Variants in DPP10 observed in about 807,000 individuals in gnomAD.
The protein encoded by DPP10 is inactive dipeptidyl peptidase 10.
In DPP10, 33 loss-of-function variants were observed where a neutral mutation model predicts 120.9. That is an observed-to-expected ratio of 0.27 (90% CI 0.21 to 0.37). The LOEUF (loss-of-function observed/expected upper bound fraction) is 0.37, where lower values mean the gene tolerates loss of function less well. DPP10 is among the 10% of genes least tolerant of loss of function. The probability of loss-of-function intolerance (pLI) is 1.00; values close to 1 mark genes in which losing one functional copy is unlikely to be tolerated. For synonymous variants in DPP10, 337 were observed against 326.1 expected, an observed-to-expected ratio of 1.03 and a Z score of -0.36; for missense variants, 816 against 942.8, an observed-to-expected ratio of 0.87 and a Z score of 1.76.
intron 1 of DPP10, among the ~76,000 whole-genome samples, chr2:114,970,523 A>C (rs771588464): frequency 1.1e-4 from 17 of 148,356 alleles, no homozygotes; most frequent in African/African-American, 4.2e-4. Context: ...TATGCAGGCC[A>C]GATAGTGGCT....
At chr2:115,517,465 G>C (rs1296629643) in intron 4 of DPP10, among the ~76,000 whole-genome samples, 1 of 152,066 alleles carries the variant, frequency 6.6e-6, no homozygotes, top group Non-Finnish European at 1.5e-5. Flanking sequence ...AGAGGCATCA[G>C]GTAGTCCATG....
intron 1 of DPP10, among the ~76,000 whole-genome samples, chr2:114,859,679 C>G (rs988847356): frequency 2.0e-4 from 31 of 152,322 alleles, no homozygotes; most frequent in African/African-American, 6.7e-4. Context: ...CACAGTGGCT[C>G]TCTTTGGATC....
intron 2 of DPP10, among the ~76,000 whole-genome samples, chr2:115,327,369 T>C (rs1485446791): frequency 6.6e-6 from 1 of 152,086 alleles, no homozygotes; most frequent in African/African-American, 2.4e-5. Context: ...AAAATCATGA[T>C]GAATTTCACT....
intron 1 of DPP10, among the ~76,000 whole-genome samples, chr2:115,195,708 G>T (rs180779575): frequency 2.0e-5 from 3 of 152,054 alleles, no homozygotes; most frequent in Admixed American, 1.3e-4. Flanking sequence ...AGGTTGTTCC[G>T]TGCCTTGACA....
At chr2:115,234,052 T>C in intron 1 of DPP10, 1 of 452,486 alleles carries the variant, frequency 2.2e-6, no homozygotes, top group Non-Finnish European at 4.3e-6. Flanking sequence ...AGGGACATTT[T>C]AATAAGCAAT....
intron 1 of DPP10, among the ~76,000 whole-genome samples, chr2:114,454,036 A>G (rs1402592321): frequency 6.6e-6 from 1 of 152,192 alleles, no homozygotes; most frequent in Non-Finnish European, 1.5e-5. Flanking sequence ...ACCATAGCGT[A>G]TGAAAAGTGT....
At chr2:115,196,851 G>A (rs1394421876) in intron 1 of DPP10, among the ~76,000 whole-genome samples, 1 of 152,062 alleles carries the variant, frequency 6.6e-6, no homozygotes, top group East Asian at 1.9e-4. Context: ...AGAAATGTTT[G>A]GAGGAAAAAA....
intron 21 of DPP10, among the ~76,000 whole-genome samples, chr2:115,834,003 G>A (rs1689193108): frequency 6.6e-6 from 1 of 152,078 alleles, no homozygotes; most frequent in Non-Finnish European, 1.5e-5. Context: ...TCCAGATTTT[G>A]CTGGCCTAAG....
intron 1 of DPP10, among the ~76,000 whole-genome samples, chr2:114,776,380 C>T (rs1681741091): frequency 6.6e-6 from 1 of 152,070 alleles, no homozygotes; most frequent in Non-Finnish European, 1.5e-5. Flanking sequence ...ACCTTTGCTG[C>T]TTATGTAGAA....
chr2:114,525,149 A>T (rs1483857670), intron 1 of DPP10, among the ~76,000 whole-genome samples: 1 of 152,186 alleles, frequency 6.6e-6, no homozygotes, highest in Non-Finnish European at 1.5e-5. Context: ...ATGTTCCTTT[A>T]TATTGTATTA....
At chr2:114,869,758 C>T (rs1355406203) in intron 1 of DPP10, among the ~76,000 whole-genome samples, 2 of 152,164 alleles carry the variant, frequency 1.3e-5, no homozygotes, top group Non-Finnish European at 2.9e-5. Flanking sequence ...AAGAACAGAG[C>T]AGGTCCAAGG....
chr2:115,710,777 C>T (rs966650419), intron 7 of DPP10, among the ~76,000 whole-genome samples: 7 of 152,112 alleles, frequency 4.6e-5, no homozygotes, highest in African/African-American at 1.7e-4. Flanking sequence ...GGTAGCTAAT[C>T]TAGTTTTAAT....
chr2:115,248,660 G>T (rs934779252), intron 1 of DPP10, among the ~76,000 whole-genome samples: 1 of 152,224 alleles, frequency 6.6e-6, no homozygotes, highest in East Asian at 1.9e-4. Flanking sequence ...GGGGTAAAGG[G>T]TAGCAAACTG....
At chr2:114,830,796 A>T (rs1288479681) in intron 1 of DPP10, among the ~76,000 whole-genome samples, 1 of 152,070 alleles carries the variant, frequency 6.6e-6, no homozygotes, top group South Asian at 2.1e-4. Flanking sequence ...ATAGTAACTT[A>T]CTCAACTTGT....
intron 3 of DPP10, among the ~76,000 whole-genome samples, chr2:115,434,220 G>A (rs2071269790): frequency 3.3e-5 from 5 of 151,982 alleles, no homozygotes; most frequent in Admixed American, 3.3e-4. Flanking sequence ...GATAATTTTA[G>A]TTTTAGATCA....
chr2:115,104,596 T>C (rs1408973719), intron 1 of DPP10, among the ~76,000 whole-genome samples: 3 of 152,222 alleles, frequency 2.0e-5, no homozygotes, highest in Non-Finnish European at 4.4e-5. Context: ...AGGTAGTCTG[T>C]GTTTTTTCCT....
At chr2:114,756,378 T>G (rs1679750016) in intron 1 of DPP10, among the ~76,000 whole-genome samples, 1 of 152,168 alleles carries the variant, frequency 6.6e-6, no homozygotes, top group Admixed American at 6.5e-5. Flanking sequence ...CAGGGAATCA[T>G]GGAGATGATC....
At chr2:115,501,187 A>C (rs755723308) in intron 4 of DPP10, among the ~76,000 whole-genome samples, 3 of 152,036 alleles carry the variant, frequency 2.0e-5, no homozygotes, top group Non-Finnish European at 2.9e-5. Flanking sequence ...GAATTATTCT[A>C]TTATGTGGCT....
intron 1 of DPP10, among the ~76,000 whole-genome samples, chr2:114,863,430 C>T (rs1390982326): frequency 1.3e-5 from 2 of 152,066 alleles, no homozygotes; most frequent in East Asian, 1.9e-4. Flanking sequence ...TATCAGACGT[C>T]GTGTTCTGAA....
Sources: allele counts gnomAD v4.1 joint callset (sites outside exome capture counted in the v4.1 genomes callset), GRCh38; gene constraint gnomAD v4.1.1; transcripts MANE v1.5; gene names NCBI Gene and HGNC (gene_info 2026-07-23, HGNC 2026-07-21).